ZNF341: variants seen among roughly 807,000 people sequenced by gnomAD.
ZNF341 encodes the protein zinc finger protein 341.
A neutral mutation model predicts 87.7 loss-of-function variants in ZNF341; 52 were observed. The observed-to-expected ratio is 0.59, with a 90% CI of 0.47 to 0.75. The LOEUF is 0.75. ZNF341 is among the 30% of genes least tolerant of loss of function. ZNF341 has a pLI of 0.00. For synonymous variants in ZNF341, 459 were observed against 472.7 expected, an observed-to-expected ratio of 0.97 and a Z score of 0.38; for missense variants, 977 against 1,145.9, an observed-to-expected ratio of 0.85 and a Z score of 2.13.
In ZNF341 at chr20:33,767,038, G is replaced by A; in HGVS notation, c.1410G>A (p.Glu470=). 6.2e-7 allele frequency: 1 copy of A among 1,611,300 alleles called. No homozygotes were observed. Among genetic ancestry groups the A allele is most frequent in the Non-Finnish European group, 8.5e-7 (1 of 1,178,322 alleles). The change falls in exon 9 of 15, where the codon GAG becomes GAA. Residue 470 remains glutamate, a synonymous_variant. Transcript: ENST00000375200. The part of the protein sequence containing the change: ...LKSHMTQHKN[E]QVYKCVVKSC... ...CTCACATGACCCAGCATAAGAATGA[G>A]CAGGTAGGTGGATGGTGGCAGCAGG...
Position 33,755,943 on chromosome 20 carries a change from C to T in ZNF341, c.742-1205C>T, listed in dbSNP as rs183644153. Among the ~76,000 whole-genome samples, 315 of 152,104 alleles carry T rather than the reference C, an allele frequency of 2.1e-3. 2 individuals carry two copies. The highest frequency in any genetic ancestry group is 3.8e-3 in the Non-Finnish European group (260 of 67,998). Reference sequence around the variant, plus strand: ...GGAAGACCAATGGATGATGAATAGGCCAGGCACAGGGGCTCACGCCTGTAA... The same window carrying T: ...GGAAGACCAATGGATGATGAATAGGTCAGGCACAGGGGCTCACGCCTGTAA... On this transcript the variant is annotated intron_variant, in intron 5 of 14. Coordinates refer to ENST00000375200, the MANE Select transcript of ZNF341 (RefSeq NM_001282933.2).
At chr20:33,733,961 C>T (rs753789838) in intron 1 of ZNF341, among the ~76,000 whole-genome samples, 8 of 152,244 alleles carry the variant, frequency 5.3e-5, no homozygotes, top group Non-Finnish European at 1.2e-4. Flanking sequence ...TGGTAGTTCC[C>T]TCCCAGAGGC....
chr20:33,747,260 A>G (rs1015223085), intron 3 of ZNF341, among the ~76,000 whole-genome samples: 3 of 152,122 alleles, frequency 2.0e-5, no homozygotes, highest in Non-Finnish European at 4.4e-5. Context: ...TGCCATCACT[A>G]TGAAAGCATT....
chr20:33,784,328 C>A, intron 12 of ZNF341, among the ~76,000 whole-genome samples: 1 of 41,744 alleles, frequency 2.4e-5, no homozygotes, highest in Non-Finnish European at 4.8e-5. Context: ...CCCCCTTCTC[C>A]CTCCTCCTTC....
intron 13 of ZNF341, among the ~76,000 whole-genome samples, 154 bp from the exon 14 acceptor site, chr20:33,789,364 G>C (rs1458605945): frequency 2.6e-5 from 4 of 152,030 alleles, no homozygotes; most frequent in African/African-American, 9.7e-5. Flanking sequence ...CTTTTATCCT[G>C]TCCTGGGCCC....
Position 33,753,434 on chromosome 20 carries a change from G to T in ZNF341, c.741+11G>T, listed in dbSNP as rs368406285. On this transcript the variant is annotated intron_variant, in intron 5 of 14. Transcript: ENST00000375200. Reference sequence around the variant, plus strand: ...TACCCACCCCTAGAGGTGAGCAGAGGGGGCAGGGTGGAAGAGGACACTGGT... The same window carrying T: ...TACCCACCCCTAGAGGTGAGCAGAGTGGGCAGGGTGGAAGAGGACACTGGT... The T allele has an allele frequency of 3.2e-6, 5 of 1,576,334 alleles. No individual in the cohort carries two copies. The Admixed American group carries it at 5.5e-5, about 17-fold the overall frequency.
At chr20:33,785,300 A>G (rs1296734992) in intron 12 of ZNF341, among the ~76,000 whole-genome samples, 2 of 152,160 alleles carry the variant, frequency 1.3e-5, no homozygotes, top group African/African-American at 2.4e-5. Flanking sequence ...AAGTTTTACA[A>G]AACAGTGTTT....
intron 4 of ZNF341, chr20:33,752,476 C>G (rs771333102): frequency 1.8e-6 from 1 of 542,266 alleles, no homozygotes; most frequent in South Asian, 1.6e-5. Flanking sequence ...GGTGTATTCT[C>G]AGGTCACCAC....
chr20:33,751,255 A>C (rs2019049495), intron 4 of ZNF341, among the ~76,000 whole-genome samples: 2 of 151,972 alleles, frequency 1.3e-5, no homozygotes, highest in Admixed American at 6.6e-5. Flanking sequence ...TTGTAGCATA[A>C]ATTTCTAGAA....
At chr20:33,777,809 T>C (rs2019659274) in intron 10 of ZNF341, among the ~76,000 whole-genome samples, 1 of 152,146 alleles carries the variant, frequency 6.6e-6, no homozygotes, top group Admixed American at 6.5e-5. Context: ...TTGTCATGTC[T>C]CTCTCGTCTC....
intron 8 of ZNF341, among the ~76,000 whole-genome samples, 168 bp from the exon 9 acceptor site, chr20:33,766,683 G>A (rs372075570): frequency 2.0e-5 from 3 of 152,210 alleles, no homozygotes; most frequent in Admixed American, 6.5e-5. Flanking sequence ...GGGAATGGCC[G>A]TACCAGTGCA....
rs772620449 is a variant in ZNF341, at chr20:33,781,297, C to CAAATGTGTCA, written c.1631_1640dup (p.Asn547LysfsTer10). On this transcript the variant is annotated frameshift_variant, in exon 11 of 15. Transcript: ENST00000375200. LOFTEE classifies it high-confidence loss of function. ...TCCTGCTCCTTCCACTTAGGTGTGTCAAATGTGTCAACAAATACTCCACCC... is the reference window on the plus strand; with the variant it reads ...TCCTGCTCCTTCCACTTAGGTGTGTCAAATGTGTCAAAATGTGTCAACAAATACTCCACCC... 6.2e-7 allele frequency: 1 copy of CAAATGTGTCA among 1,613,908 alleles called. No individual in the cohort carries two copies. Among genetic ancestry groups the CAAATGTGTCA allele is most frequent in the Non-Finnish European group, 8.5e-7 (1 of 1,179,858 alleles).
intron 13 of ZNF341, 40 bp from the exon 14 acceptor site, chr20:33,789,473 CCTAAG>C (rs2019950377): frequency 1.2e-6 from 2 of 1,606,222 alleles, no homozygotes; most frequent in Admixed American, 3.3e-5. Context: ...GCAAGAGGAT[CCTAAG>C]CTTGGTGAGC....
chr20:33,758,903 G>A, intron 7 of ZNF341, 97 bp downstream of exon 7: 1 of 1,072,116 alleles, frequency 9.3e-7, no homozygotes, highest in South Asian at 1.4e-5. Flanking sequence ...TAGCCTGTGG[G>A]GTGACCCAGG....
intron 9 of ZNF341, among the ~76,000 whole-genome samples, chr20:33,767,284 C>T (rs2019429770): frequency 2.0e-5 from 3 of 152,198 alleles, no homozygotes; most frequent in Admixed American, 6.5e-5. Context: ...AGCGTAAGGA[C>T]TCTGTGTCTT....
At chr20:33,752,429 T>C in intron 4 of ZNF341, 1 of 613,754 alleles carries the variant, frequency 1.6e-6, no homozygotes, top group East Asian at 3.5e-5. Context: ...AGCACGCTTC[T>C]TGAAGCCACT....
intron 10 of ZNF341, among the ~76,000 whole-genome samples, chr20:33,780,253 G>A (rs1333038705): frequency 6.6e-6 from 1 of 152,142 alleles, no homozygotes; most frequent in Non-Finnish European, 1.5e-5. Context: ...GTTCAAGGTA[G>A]GTCAAGGAGG....
At position 33,745,766 on chromosome 20, in the gene ZNF341, C is replaced by T. The variant is rs370070694; in HGVS notation, c.339+467C>T. On this transcript the variant is annotated intron_variant, in intron 3 of 14. Transcript: ENST00000375200. Reference sequence around the variant, plus strand: ...CTGGTTTGGGGAAGGAAGCAGGAGCCAGGTGCAGGGATCAGCAGATGCAGA... The same window carrying T: ...CTGGTTTGGGGAAGGAAGCAGGAGCTAGGTGCAGGGATCAGCAGATGCAGA... Among the ~76,000 whole-genome samples, 57 of 151,518 alleles carry T rather than the reference C, an allele frequency of 3.8e-4. 2 individuals carry two copies. The East Asian group carries it at 0.01, about 27-fold the overall frequency.
intron 12 of ZNF341, among the ~76,000 whole-genome samples, chr20:33,784,906 G>A (rs2019822292): frequency 6.6e-6 from 1 of 152,174 alleles, no homozygotes; most frequent in Non-Finnish European, 1.5e-5. Flanking sequence ...GTGAGGCACT[G>A]CACCCAGCCT....
Sources: allele counts gnomAD v4.1 joint callset (sites outside exome capture counted in the v4.1 genomes callset), GRCh38; gene constraint gnomAD v4.1.1; transcripts MANE v1.5; gene names NCBI Gene and HGNC (gene_info 2026-07-23, HGNC 2026-07-21).